Variants in CACNG2 observed in about 807,000 individuals in gnomAD.
CACNG2 encodes calcium voltage-gated channel auxiliary subunit gamma 2.
CACNG2 carries 3 observed loss-of-function variants against 25.9 expected under a neutral mutation model. The observed-to-expected ratio is 0.12, with a 90% CI of 0.05 to 0.30. CACNG2 has a LOEUF of 0.30. Ranked by LOEUF, CACNG2 falls within the 10% of genes least tolerant of loss-of-function variation. CACNG2 has a pLI of 1.00. For synonymous variants in CACNG2, 167 were observed against 173.3 expected (o/e 0.96, Z 0.29); for missense variants, 341 against 432.5 (o/e 0.79, Z 1.88).
chr22:36,671,108 G>T (rs1436819813), intron 1 of CACNG2, among the ~76,000 whole-genome samples: 1 of 151,926 alleles, frequency 6.6e-6, no homozygotes, highest in South Asian at 2.1e-4. Context: ...TAGTAGAGAC[G>T]GGTTTTCACC....
chr22:36,701,098 C>T (rs1937405857), intron 1 of CACNG2, among the ~76,000 whole-genome samples: 1 of 152,194 alleles, frequency 6.6e-6, no homozygotes, highest in African/African-American at 2.4e-5. Context: ...CCTGCATCAC[C>T]ATCCCATGTC....
intron 1 of CACNG2, among the ~76,000 whole-genome samples, chr22:36,655,738 C>G (rs1936693823): frequency 1.4e-5 from 2 of 145,102 alleles, no homozygotes; most frequent in South Asian, 2.2e-4. Flanking sequence ...CTTTCTTTCT[C>G]TTCCTTTCTT....
chr22:36,651,138 C>T (rs568455798), intron 1 of CACNG2, among the ~76,000 whole-genome samples: 2 of 151,926 alleles, frequency 1.3e-5, no homozygotes, highest in East Asian at 3.9e-4. Flanking sequence ...TGTGTGGTCC[C>T]ATAAACCCTG....
intron 1 of CACNG2, among the ~76,000 whole-genome samples, chr22:36,682,180 A>G (rs1309609400): frequency 6.6e-6 from 1 of 152,206 alleles, no homozygotes; most frequent in Non-Finnish European, 1.5e-5. Context: ...CTTGGGGGAG[A>G]AGACGCAGGG....
chr22:36,668,490 GA>G (rs1462822342), intron 1 of CACNG2, among the ~76,000 whole-genome samples: 4 of 132,916 alleles, frequency 3.0e-5, no homozygotes, highest in Non-Finnish European at 5.1e-5. Flanking sequence ...CGAGGGGAGT[GA>G]ATTTTTTTTT....
At chr22:36,639,575 T>G (rs1936411183) in intron 1 of CACNG2, among the ~76,000 whole-genome samples, 1 of 152,206 alleles carries the variant, frequency 6.6e-6, no homozygotes, top group Non-Finnish European at 1.5e-5. Flanking sequence ...CCCAACCTCC[T>G]CTGTCCACTC....
In CACNG2 at chr22:36,637,438, T is replaced by C. The variant is rs117120048; in HGVS notation, c.212-49890A>G. ...TGCATTTTCTCTTTGGCATGGAGTATATGGGGATTCATTTTCTTTAAAAAT... is the reference window on the plus strand; with the variant it reads ...TGCATTTTCTCTTTGGCATGGAGTACATGGGGATTCATTTTCTTTAAAAAT... On this transcript the variant is annotated intron_variant, in intron 1 of 3. Transcript: ENST00000300105. Among the ~76,000 whole-genome samples the C allele has an allele frequency of 1.4e-4, 22 of 152,204 alleles. No individual in the cohort carries two copies. In the East Asian group the frequency reaches 3.9e-3, roughly 27 times the overall value.
chr22:36,659,697 G>A (rs1032508717), intron 1 of CACNG2, among the ~76,000 whole-genome samples: 40 of 152,054 alleles, frequency 2.6e-4, no homozygotes, highest in Admixed American at 6.6e-4. Context: ...AGGCACACAG[G>A]TGAAATGCTG....
At chr22:36,600,841 C>G (rs1031097685) in intron 1 of CACNG2, among the ~76,000 whole-genome samples, 4 of 152,096 alleles carry the variant, frequency 2.6e-5, no homozygotes, top group Non-Finnish European at 4.4e-5. Context: ...ACCACCGCTC[C>G]CGGCCTAAAA....
At chr22:36,603,729 G>A (rs2145933932) in intron 1 of CACNG2, among the ~76,000 whole-genome samples, 1 of 152,312 alleles carries the variant, frequency 6.6e-6, no homozygotes, top group Admixed American at 6.5e-5. Context: ...ATCTATTTAT[G>A]GGATGGTTTA....
At chr22:36,686,394 C>T (rs1012047207) in intron 1 of CACNG2, among the ~76,000 whole-genome samples, 1 of 152,182 alleles carries the variant, frequency 6.6e-6, no homozygotes, top group Non-Finnish European at 1.5e-5. Flanking sequence ...TCCTGCAGCT[C>T]TTTCATGCGG....
In CACNG2 at chr22:36,693,129, G is replaced by C. The variant is rs374748647; in HGVS notation, c.211+9237C>G. 2.2e-4 allele frequency among the ~76,000 whole-genome samples: 34 copies of C among 152,328 alleles called. No homozygotes were observed. In the East Asian group the frequency reaches 3.3e-3, roughly 15 times the overall value. ...CCACTGCACTCCAGCCTGGGGAACA[G>C]AGCGAGACTCTGTCTAAAAAAAAGA... is the stretch of plus-strand genomic sequence containing the variant. On this transcript the variant is annotated intron_variant, in intron 1 of 3. Coordinates refer to ENST00000300105, the MANE Select transcript of CACNG2 (RefSeq NM_006078.5).
intron 1 of CACNG2, among the ~76,000 whole-genome samples, chr22:36,604,835 T>C (rs1935808132): frequency 6.6e-6 from 1 of 152,166 alleles, no homozygotes; most frequent in African/African-American, 2.4e-5. Context: ...TGGAGTGAAA[T>C]GGCACAATTA....
At chr22:36,629,987 C>T (rs1454046200) in intron 1 of CACNG2, among the ~76,000 whole-genome samples, 1 of 152,194 alleles carries the variant, frequency 6.6e-6, no homozygotes, top group Non-Finnish European at 1.5e-5. Context: ...ATGCTGCCCC[C>T]TGCATCAGTC....
chr22:36,673,187 C>T (rs2746968), intron 1 of CACNG2, among the ~76,000 whole-genome samples: 3,949 of 152,300 alleles, frequency 0.026, 178 homozygotes, highest in African/African-American at 0.089. Flanking sequence ...GATTGTGCCA[C>T]TGCACTCCAG....
chr22:36,606,606 T>C lies in CACNG2; in HGVS notation c.212-19058A>G, dbSNP rs117441328. Among the ~76,000 whole-genome samples the C allele has an allele frequency of 0.019, 2,916 of 151,902 alleles. 48 individuals carry two copies. Among genetic ancestry groups the C allele is most frequent in the Non-Finnish European group, 0.028 (1,913 of 67,954 alleles). ...TTCCTGGAAGAAGCACCATCTCGGA[T>C]GAGCCGTGAAGGATAAGTAAAAATT... On this transcript the variant is annotated intron_variant, in intron 1 of 3. Coordinates refer to ENST00000300105, the MANE Select transcript of CACNG2 (RefSeq NM_006078.5). This position sits in a 1 kb window ranked among gnomAD's most constrained non-coding sequence, Gnocchi z 5.7.
chr22:36,640,283 T>C (rs1439106311), intron 1 of CACNG2, among the ~76,000 whole-genome samples: 1 of 152,232 alleles, frequency 6.6e-6, no homozygotes, highest in Non-Finnish European at 1.5e-5. Context: ...CAGAAAAGCC[T>C]GTTAAGTGTT....
intron 1 of CACNG2, among the ~76,000 whole-genome samples, chr22:36,662,640 G>A (rs980651002): frequency 1.3e-5 from 2 of 152,122 alleles, no homozygotes; most frequent in Non-Finnish European, 2.9e-5. Context: ...TCCCTCCTAA[G>A]CACTATCGGT....
chr22:36,580,843 C>G (rs1935403099), intron 2 of CACNG2, among the ~76,000 whole-genome samples: 2 of 152,126 alleles, frequency 1.3e-5, no homozygotes, highest in Admixed American at 1.3e-4. Flanking sequence ...CTGGACACAA[C>G]ACGCACACAT....
Sources: gnomAD v4.1 joint callset for allele counts (sites outside exome capture counted in the v4.1 genomes callset) on GRCh38, gnomAD v4.1.1 for gene constraint, Gnocchi (gnomAD v3.1) non-coding constraint, MANE v1.5 for transcripts, NCBI Gene and HGNC (gene_info 2026-07-23, HGNC 2026-07-21) for gene names.